PCNT: variants seen among roughly 807,000 people sequenced by gnomAD.
PCNT encodes pericentrin.
PCNT carries 319 observed loss-of-function variants against 380.4 expected under a neutral mutation model. The ratio of observed to expected loss-of-function variants is 0.84; its 90% CI spans 0.77 to 0.92. PCNT has a LOEUF of 0.92. Ranked by LOEUF, PCNT falls within the 40% of genes least tolerant of loss-of-function variation. The probability of loss-of-function intolerance (pLI) is 0.00; values close to 1 mark genes in which losing one functional copy is unlikely to be tolerated. For synonymous variants in PCNT, 1,845 were observed against 1,735.2 expected, an observed-to-expected ratio of 1.06 and a Z score of -1.57; for missense variants, 4,400 against 4,255.3, an observed-to-expected ratio of 1.03 and a Z score of -0.95.
At position 46,436,019 on chromosome 21, in the gene PCNT, C is replaced by CT. The variant is rs587784320; in HGVS notation, c.8868dup (p.Ala2957CysfsTer46). On this transcript the variant is annotated frameshift_variant, in exon 39 of 47. Coordinates refer to ENST00000359568, the MANE Select transcript of PCNT (RefSeq NM_006031.6). LOFTEE classifies it high-confidence loss of function. The stretch of plus-strand genomic sequence containing the variant: ...CCTGGCAGCCGCCTCCACCTAGGTT[C>CT]TGCCCGCAGGGCTGCCGGCTCGGAT... The CT allele has an allele frequency of 1.9e-6, 3 of 1,614,104 alleles. No homozygotes were observed. The Admixed American group carries it at 5.0e-5, about 27-fold the overall frequency.
rs1327602441 is a variant in PCNT, at chr21:46,416,160, T to C, written c.6242T>C (p.Leu2081Pro). Residue 2081 changes from leucine to proline, a missense_variant, in exon 30 of 47, where the codon CTG becomes CCG. By Grantham distance (98) the Leu-to-Pro change is moderately conservative. Coordinates refer to ENST00000359568, the MANE Select transcript of PCNT (RefSeq NM_006031.6). ...CTTCAGGAAAAACTGAACCGTTTGC[T>C]GTATTCCATGACCTTCCAGAATGTG... ...KQLQEKLNRL[L>P]YSMTFQNVDA... 1.2e-6 allele frequency: 2 copies of C among 1,614,118 alleles called. No homozygotes were observed. Among genetic ancestry groups the C allele is most frequent in the South Asian group, 1.1e-5 (1 of 91,092 alleles).
At chr21:46,347,557 T>A in intron 6 of PCNT, 45 bp downstream of exon 6, 2 of 1,587,970 alleles carry the variant, frequency 1.3e-6, no homozygotes, top group Non-Finnish European at 1.7e-6. Flanking sequence ...TGTATGTTGT[T>A]TTTCCTTTCT....
In PCNT at chr21:46,441,055, G is replaced by T. The variant is rs143776463; in HGVS notation, c.9594G>T (p.Thr3198=). 6.2e-7 allele frequency: 1 copy of T among 1,613,676 alleles called. No homozygotes were observed. Among genetic ancestry groups the T allele is most frequent in the Non-Finnish European group, 8.5e-7 (1 of 1,179,576 alleles). Reference sequence around the variant, plus strand: ...CTCGTCCTTTCACCAGGTTCCGCACGGCCGTCAGGGTGGTCATTGCAATAT... The same window carrying T: ...CTCGTCCTTTCACCAGGTTCCGCACTGCCGTCAGGGTGGTCATTGCAATAT... ...ITSRPFTRFR[T]AVRVVIAILR... Residue 3198 remains threonine (T), a synonymous_variant, in exon 43 of 47, where the codon ACG becomes ACT. Coordinates refer to ENST00000359568, the MANE Select transcript of PCNT (RefSeq NM_006031.6).
rs142020803 is a variant in PCNT, at chr21:46,398,094, G to C, written c.4527G>C (p.Ala1509=). 1 of 1,599,440 alleles carries C rather than the reference G, an allele frequency of 6.3e-7. No individual in the cohort carries two copies. The highest frequency in any genetic ancestry group is 2.3e-5 in the East Asian group (1 of 44,226). The change falls in exon 23 of 47, where the codon GCG becomes GCC. Residue 1509 remains alanine, a synonymous_variant. Coordinates refer to ENST00000359568, the MANE Select transcript of PCNT (RefSeq NM_006031.6). ...GGCTGGAGGGGCAGCTCCGCCAGGC[G>C]GCCAAGCCGCAGCCCTGGGGCCCTC... ...IQRLEGQLRQ[A]AKPQPWGPRD... is the part of the protein sequence containing the mutation.
rs745703637 is a variant in PCNT, at chr21:46,412,855, C to G, written c.6013C>G (p.Leu2005Val). The G allele has an allele frequency of 2.5e-6, 4 of 1,612,224 alleles. No individual in the cohort carries two copies. The highest frequency in any genetic ancestry group is 3.4e-6 in the Non-Finnish European group (4 of 1,180,048). The change falls in exon 29 of 47, where the codon CTG becomes GTG. Residue 2005 changes from leucine to valine, a missense_variant. Transcript: ENST00000359568. ...TGTCAAGGGTGATCTGCAGCCTGTC[C>G]TGGTGACGTTGAAGGATGCACCTCT... ...PDPQGDLQPV[L>V]VTLKDAPLCK... is the part of the protein sequence containing the mutation.
At chr21:46,431,390 C>A in intron 37 of PCNT, 139 bp from the exon 38 acceptor site, 1 of 1,507,186 alleles carries the variant, frequency 6.6e-7, no homozygotes, top group Non-Finnish European at 8.8e-7. Context: ...AAAATGTTGT[C>A]CCTACATGTG....
In PCNT at chr21:46,445,278, A is replaced by G; in HGVS notation, c.9968-6A>G. The stretch of plus-strand genomic sequence containing the variant: ...AATTTGCTGCCTCATTTTTATTTAT[A>G]TGCAGATTCTACTTCAAAGAAATCC... On this transcript the variant is annotated splice_region_variant and splice_polypyrimidine_tract_variant and intron_variant, in intron 46 of 46. Transcript: ENST00000359568. 1 of 1,601,316 alleles carries G rather than the reference A, an allele frequency of 6.2e-7. No individual in the cohort carries two copies. The highest frequency in any genetic ancestry group is 8.6e-7 in the Non-Finnish European group (1 of 1,168,210).
In PCNT at chr21:46,416,442, CAGATTCTCCCATTCA is replaced by C. The variant is rs1421664851; in HGVS notation, c.6528_6542del (p.Asp2176_Gln2180del). ...GATTCCTTGATACCAGATGAAATGC[CAGATTCTCCCATTCA>C]AGAAAAATCAGAATGTCAGGACATG... On this transcript the variant is annotated inframe_deletion, in exon 30 of 47. Transcript: ENST00000359568. The C allele has an allele frequency of 1.9e-6, 3 of 1,614,200 alleles. No homozygotes were observed. Among genetic ancestry groups the C allele is most frequent in the Non-Finnish European group, 2.5e-6 (3 of 1,180,034 alleles).
At chr21:46,346,414 A>C (rs577639914) in intron 4 of PCNT, among the ~76,000 whole-genome samples, 1 of 152,302 alleles carries the variant, frequency 6.6e-6, no homozygotes, top group South Asian at 2.1e-4. Flanking sequence ...GGTCAGGTGC[A>C]GGCCACATGA....
At position 46,334,450 on chromosome 21, in the gene PCNT, G is replaced by A. The variant is rs138834119; in HGVS notation, c.321G>A (p.Lys107=). The change falls in exon 3 of 47, where the codon AAG becomes AAA. Residue 107 remains lysine (K), a synonymous_variant. Transcript: ENST00000359568. The part of the protein sequence containing the change: ...KREDLEQLQQ[K]QVNDHPPEQC... ...AGGACTTGGAACAGCTGCAGCAGAA[G>A]CAAGTCAATGACCATCCTCCAGAGC... 11 of 1,614,108 alleles carry A rather than the reference G, an allele frequency of 6.8e-6. No individual in the cohort carries two copies. Among genetic ancestry groups the A allele is most frequent in the Non-Finnish European group, 8.5e-6 (10 of 1,180,056 alleles).
intron 13 of PCNT, among the ~76,000 whole-genome samples, chr21:46,357,555 T>C (rs2084522565): frequency 6.6e-6 from 1 of 152,212 alleles, no homozygotes; most frequent in South Asian, 2.1e-4. Context: ...GGTCCCCTGA[T>C]AGCTGGGATT....
intron 31 of PCNT, among the ~76,000 whole-genome samples, chr21:46,421,387 T>C (rs771948538): frequency 1.3e-5 from 2 of 152,176 alleles, no homozygotes; most frequent in African/African-American, 2.4e-5. Context: ...CTGCCTCAGT[T>C]TCCAAAGCGC....
At chr21:46,354,216 G>T (rs1316345378) in intron 11 of PCNT, 148 bp downstream of exon 11, 2 of 757,000 alleles carry the variant, frequency 2.6e-6, no homozygotes, top group Non-Finnish European at 4.7e-6. Context: ...CGACCTCACT[G>T]CTGCTCCGCG....
At chr21:46,396,431 G>A (rs2086212843) in intron 21 of PCNT, among the ~76,000 whole-genome samples, 1 of 152,202 alleles carries the variant, frequency 6.6e-6, no homozygotes, top group South Asian at 2.1e-4. Context: ...AGGGCCGAGT[G>A]GGAGGACCAC....
intron 15 of PCNT, among the ~76,000 whole-genome samples, chr21:46,372,510 T>C (rs1016898771): frequency 2.0e-5 from 3 of 152,196 alleles, no homozygotes; most frequent in African/African-American, 4.8e-5. Flanking sequence ...TTCTGGCCTT[T>C]CTGTGGGGGG....
At chr21:46,375,555 C>T (rs999399427) in intron 15 of PCNT, among the ~76,000 whole-genome samples, 3 of 152,184 alleles carry the variant, frequency 2.0e-5, no homozygotes, top group Non-Finnish European at 4.4e-5. Context: ...AGTTTTATTC[C>T]AGGCTAGAGC....
Position 46,432,204 on chromosome 21 carries a change from AAGG to A in PCNT, c.8743_8745del (p.Glu2915del). On this transcript the variant is annotated inframe_deletion, in exon 38 of 47. Transcript: ENST00000359568. The stretch of plus-strand genomic sequence containing the variant: ...GCAGTGGAGGAAGTGGCAGAGAGAC[AAGG>A]AGAAGCTGGTGAGAGCCGCCTGCCG... The A allele has an allele frequency of 6.2e-7, 1 of 1,610,154 alleles. No individual in the cohort carries two copies. The highest frequency in any genetic ancestry group is 8.5e-7 in the Non-Finnish European group (1 of 1,178,960).
chr21:46,373,332 C>T (rs1601876358), intron 15 of PCNT, among the ~76,000 whole-genome samples: 1 of 151,942 alleles, frequency 6.6e-6, no homozygotes, highest in South Asian at 2.1e-4. Flanking sequence ...TATCGGAATA[C>T]TCCTAGAGCG....
chr21:46,391,506 T>C (rs2086032218), intron 21 of PCNT, 130 bp downstream of exon 21: 2 of 740,268 alleles, frequency 2.7e-6, no homozygotes, highest in Non-Finnish European at 4.4e-6. Flanking sequence ...CAGCTTCTCC[T>C]GGAACACTGG....
Sources: gnomAD v4.1 joint callset for allele counts (sites outside exome capture counted in the v4.1 genomes callset) on GRCh38, gnomAD v4.1.1 for gene constraint, MANE v1.5 for transcripts, NCBI Gene and HGNC (gene_info 2026-07-23, HGNC 2026-07-21) for gene names.